Variants in MAGI2 observed in about 807,000 individuals in gnomAD.
MAGI2 encodes the protein membrane-associated guanylate kinase, WW and PDZ domain-containing protein 2.
MAGI2 carries 35 observed loss-of-function variants against 133.3 expected under a neutral mutation model. The observed-to-expected ratio is 0.26, with a 90% CI of 0.20 to 0.35. The LOEUF is 0.35. Ranked by LOEUF, MAGI2 falls within the 10% of genes least tolerant of loss-of-function variation. The pLI, the probability that MAGI2 is intolerant of heterozygous loss-of-function variation, is 1.00. For synonymous variants in MAGI2, 729 were observed against 710.6 expected, an observed-to-expected ratio of 1.03 and a Z score of -0.41; for missense variants, 1,636 against 1,863.4, an observed-to-expected ratio of 0.88 and a Z score of 2.25.
chr7:79,449,877 C>CATATACATATATATAT (rs1472820472), intron 1 of MAGI2, among the ~76,000 whole-genome samples: 4 of 120,612 alleles, frequency 3.3e-5, no homozygotes, highest in Non-Finnish European at 3.6e-5. Flanking sequence ...GAGATATATA[C>CATATACATATATATAT]ATATATATAT....
At position 78,310,360 on chromosome 7, in the gene MAGI2, G is replaced by A. The variant is rs576051792; in HGVS notation, c.1408+33418C>T. ...TGAGGCAGGAGAATCACTTGAACCC[G>A]GCAGGCGGGGGTTGCAGTGAGCTGA... On this transcript the variant is annotated intron_variant, in intron 9 of 21. Transcript: ENST00000354212. 1.4e-4 allele frequency among the ~76,000 whole-genome samples: 21 copies of A among 152,262 alleles called. 1 individual carries two copies. In the South Asian group the frequency reaches 2.7e-3, roughly 20 times the overall value.
intron 2 of MAGI2, among the ~76,000 whole-genome samples, chr7:78,641,794 C>T (rs1810345391): frequency 6.6e-6 from 1 of 152,078 alleles, no homozygotes; most frequent in Admixed American, 6.5e-5. Context: ...GATATTTGGT[C>T]TCTCAAGAAG....
chr7:79,379,920 G>A (rs1264452195), intron 1 of MAGI2, among the ~76,000 whole-genome samples: 1 of 150,770 alleles, frequency 6.6e-6, no homozygotes, highest in Non-Finnish European at 1.5e-5. Context: ...TTAATAAATG[G>A]TGCTAGGAAA....
At chr7:79,407,082 T>C (rs1442792341) in intron 1 of MAGI2, among the ~76,000 whole-genome samples, 1 of 152,094 alleles carries the variant, frequency 6.6e-6, no homozygotes, top group Non-Finnish European at 1.5e-5. Flanking sequence ...AACACATACA[T>C]TTTACTAATA....
intron 5 of MAGI2, among the ~76,000 whole-genome samples, chr7:78,498,976 AC>A (rs754915076): frequency 1.9e-4 from 29 of 151,488 alleles, no homozygotes; most frequent in Non-Finnish European, 3.2e-4. Flanking sequence ...TTAATTTTCC[AC>A]CTCCATCCAT....
At chr7:78,305,264 G>A (rs1185024075) in intron 9 of MAGI2, among the ~76,000 whole-genome samples, 1 of 152,080 alleles carries the variant, frequency 6.6e-6, no homozygotes, top group African/African-American at 2.4e-5. Flanking sequence ...ACACTCCAAT[G>A]CTACTGCTTT....
intron 2 of MAGI2, among the ~76,000 whole-genome samples, chr7:78,846,734 A>G (rs771935801): frequency 1.3e-5 from 2 of 151,986 alleles, no homozygotes; most frequent in Non-Finnish European, 2.9e-5. Context: ...AATTTACAAG[A>G]TGGTCTCTCA....
At chr7:79,064,351 T>A (rs555986627) in intron 1 of MAGI2, among the ~76,000 whole-genome samples, 29 of 152,126 alleles carry the variant, frequency 1.9e-4, no homozygotes, top group Admixed American at 5.3e-4. Flanking sequence ...CTTCCCAGTA[T>A]AGAGAGGAGA....
chr7:78,707,957 A>G (rs1460584238), intron 2 of MAGI2, among the ~76,000 whole-genome samples: 1 of 152,088 alleles, frequency 6.6e-6, no homozygotes, highest in Non-Finnish European at 1.5e-5. Context: ...TCTTAAAATC[A>G]TAACAGATAG....
intron 3 of MAGI2, among the ~76,000 whole-genome samples, chr7:78,539,470 G>GT (rs549081856): frequency 7.4e-6 from 1 of 135,220 alleles, no homozygotes; most frequent in Non-Finnish European, 1.7e-5. Context: ...TTGGTCTGTA[G>GT]TTTTTTTGTT....
In MAGI2 at chr7:78,345,999, G is replaced by C. The variant is rs767579066; in HGVS notation, c.1148C>G (p.Ala383Gly). Residue 383 changes from alanine to glycine, a missense_variant, in exon 8 of 22, where the codon GCA becomes GGA. By Grantham distance (60) the Ala-to-Gly change is moderately conservative. Around this residue, in one of 5 missense-constraint regions of MAGI2, gnomAD observed 920 missense variants for 1,093.5 expected, o/e 0.84. Coordinates refer to ENST00000354212, the MANE Select transcript of MAGI2 (RefSeq NM_012301.4). Reference protein sequence around the residue: ...RTQFENPVLEAKRKLQQHNMP... With the variant: ...RTQFENPVLEGKRKLQQHNMP... ...GTTATGTTGCTGTAGCTTCCTTTTT[G>C]CTTCCAGGACAGGATTTTCAAACTG... 1.2e-6 allele frequency: 2 copies of C among 1,614,086 alleles called. No individual in the cohort carries two copies. The highest frequency in any genetic ancestry group is 1.7e-5 in the Admixed American group (1 of 60,014).
intron 1 of MAGI2, among the ~76,000 whole-genome samples, chr7:79,228,005 T>C (rs1336077746): frequency 2.0e-5 from 3 of 152,062 alleles, no homozygotes; most frequent in Admixed American, 2.0e-4. Flanking sequence ...TAAAGCTAAA[T>C]CACTGTGGCC....
At chr7:79,295,056 T>C (rs1489626279) in intron 1 of MAGI2, among the ~76,000 whole-genome samples, 2 of 152,134 alleles carry the variant, frequency 1.3e-5, no homozygotes, top group South Asian at 2.1e-4. Flanking sequence ...GTAGTTCTTT[T>C]AGTGGTTGAA....
At chr7:79,009,227 T>C (rs1056314118) in intron 1 of MAGI2, 2 of 152,134 alleles carry the variant, frequency 1.3e-5, no homozygotes, top group African/African-American at 4.8e-5. Flanking sequence ...AAACCTTTTT[T>C]TTTCTTTACT....
intron 2 of MAGI2, among the ~76,000 whole-genome samples, chr7:78,946,119 TA>T (rs1801396821): frequency 6.6e-6 from 1 of 152,192 alleles, no homozygotes; most frequent in Non-Finnish European, 1.5e-5. Context: ...AGAAATATTT[TA>T]AATTGTTGTG....
chr7:79,028,858 G>T lies in MAGI2; in HGVS notation c.302-21652C>A, dbSNP rs571413001. ...AGCTATTGTCTTGGTAATGAAAGGG[G>T]TTTTTTTATAAATTACCTATTCATG... On this transcript the variant is annotated intron_variant, in intron 1 of 21. Coordinates refer to ENST00000354212, the MANE Select transcript of MAGI2 (RefSeq NM_012301.4). Among the ~76,000 whole-genome samples the T allele has an allele frequency of 1.6e-4, 24 of 151,898 alleles. 1 individual carries two copies. Among genetic ancestry groups the T allele is most frequent in the East Asian group, 5.8e-4 (3 of 5,160 alleles).
At chr7:78,650,456 A>T (rs999379209) in intron 2 of MAGI2, among the ~76,000 whole-genome samples, 12 of 152,082 alleles carry the variant, frequency 7.9e-5, no homozygotes, top group African/African-American at 2.7e-4. Flanking sequence ...TTTCCATGGG[A>T]GTAAGCAAAG....
rs1815138742 is a variant in MAGI2 at position 78,075,145 on chromosome 7, C to G, written c.3706+3802G>C. ...TGTGCTGGGCAGAGGGTCCCTGCAT[C>G]ACCGGCTCTAGTGAAAACCTTGGGC... is the stretch of plus-strand genomic sequence containing the variant. On this transcript the variant is annotated intron_variant, in intron 21 of 21. Transcript: ENST00000354212. 3.3e-5 allele frequency among the ~76,000 whole-genome samples: 5 copies of G among 152,180 alleles called. No homozygotes were observed. In the South Asian group the frequency reaches 1.0e-3, roughly 32 times the overall value.
chr7:78,497,241 T>G (rs903244405), intron 5 of MAGI2, among the ~76,000 whole-genome samples: 1 of 152,198 alleles, frequency 6.6e-6, no homozygotes, highest in Non-Finnish European at 1.5e-5. Context: ...TTATGAAACA[T>G]AAGACATTAT....
Sources: gnomAD v4.1 joint callset for allele counts (sites outside exome capture counted in the v4.1 genomes callset) on GRCh38, gnomAD v4.1.1 for gene constraint, gnomAD v4.1.1 regional missense constraint, MANE v1.5 for transcripts, NCBI Gene and HGNC (gene_info 2026-07-23, HGNC 2026-07-21) for gene names.